Variants in PAQR5 observed in about 807,000 individuals in gnomAD.
The protein encoded by PAQR5 is membrane progestin receptor gamma.
Under a neutral mutation model 34.5 loss-of-function variants are expected in PAQR5, and 20 were observed. The ratio of observed to expected loss-of-function variants is 0.58; its 90% CI spans 0.41 to 0.84. PAQR5 has a LOEUF of 0.84. Ranked by LOEUF, PAQR5 falls within the 40% of genes least tolerant of loss-of-function variation. PAQR5 has a pLI of 0.00. For missense variants in PAQR5, 378 were observed against 412.7 expected, an observed-to-expected ratio of 0.92 and a Z score of 0.73; for synonymous variants, 131 against 155.6, an observed-to-expected ratio of 0.84 and a Z score of 1.18.
intron 1 of PAQR5, among the ~76,000 whole-genome samples, chr15:69,322,653 T>A (rs1418770471): frequency 1.5e-4 from 5 of 33,290 alleles, no homozygotes; most frequent in Admixed American, 4.1e-4. Flanking sequence ...AGACCCTGTC[T>A]CAAAAAAAAA....
chr15:69,344,424 G>C (rs1478937406), intron 2 of PAQR5, among the ~76,000 whole-genome samples: 1 of 152,088 alleles, frequency 6.6e-6, no homozygotes, highest in Non-Finnish European at 1.5e-5. Context: ...AAGCCCCCTG[G>C]TGTTGATTAA....
intron 1 of PAQR5, among the ~76,000 whole-genome samples, chr15:69,326,920 T>C (rs547465340): frequency 6.7e-6 from 1 of 149,816 alleles, no homozygotes; most frequent in Non-Finnish European, 1.5e-5. Context: ...TTAGGCCTCA[T>C]GCTTTATGTT....
chr15:69,382,558 T>C (rs2055916291), intron 4 of PAQR5, among the ~76,000 whole-genome samples: 1 of 147,580 alleles, frequency 6.8e-6, no homozygotes. Context: ...GACAGGAGAA[T>C]CACTTGAACC....
intron 3 of PAQR5, among the ~76,000 whole-genome samples, chr15:69,361,103 G>T (rs2055219826): frequency 6.6e-6 from 1 of 152,174 alleles, no homozygotes; most frequent in Non-Finnish European, 1.5e-5. Flanking sequence ...TACACGTGTG[G>T]CTGTCTCCCA....
chr15:69,304,472 A>T (rs996610317), intron 1 of PAQR5, among the ~76,000 whole-genome samples: 4 of 152,206 alleles, frequency 2.6e-5, no homozygotes, highest in African/African-American at 9.7e-5. Context: ...GTTTGAAATT[A>T]TGCAGGATGG....
intron 1 of PAQR5, among the ~76,000 whole-genome samples, chr15:69,311,505 C>T (rs559531950): frequency 1.3e-5 from 2 of 152,260 alleles, no homozygotes; most frequent in South Asian, 2.1e-4. Flanking sequence ...TTCCATCTCC[C>T]CTGCAACTTA....
intron 1 of PAQR5, among the ~76,000 whole-genome samples, chr15:69,309,291 G>A (rs2140533841): frequency 6.6e-6 from 1 of 152,328 alleles, no homozygotes; most frequent in East Asian, 1.9e-4. Flanking sequence ...GGAGAATGGT[G>A]CTGTGGAGGC....
At chr15:69,312,376 A>G (rs2053851770) in intron 1 of PAQR5, among the ~76,000 whole-genome samples, 1 of 152,032 alleles carries the variant, frequency 6.6e-6, no homozygotes. Context: ...GTGTGTTCCA[A>G]CCTTGCATTA....
intron 1 of PAQR5, among the ~76,000 whole-genome samples, chr15:69,335,755 CTG>C (rs1193698731): frequency 6.6e-6 from 1 of 151,886 alleles, no homozygotes; most frequent in African/African-American, 2.4e-5. Context: ...GAATCTGGGT[CTG>C]TGTGTCCGAA....
chr15:69,398,121 C>T (rs1428777744), intron 7 of PAQR5, among the ~76,000 whole-genome samples: 1 of 152,142 alleles, frequency 6.6e-6, no homozygotes, highest in African/African-American at 2.4e-5. Context: ...GGGAGGATTA[C>T]ACGGGGAACA....
At chr15:69,341,871 G>C (rs1332573152) in intron 2 of PAQR5, among the ~76,000 whole-genome samples, 3 of 149,256 alleles carry the variant, frequency 2.0e-5, no homozygotes, top group Non-Finnish European at 4.4e-5. Flanking sequence ...TTAATCCCAG[G>C]AGGTCAAGTC....
At chr15:69,367,999 C>G (rs73440989) in intron 3 of PAQR5, among the ~76,000 whole-genome samples, 1 of 151,872 alleles carries the variant, frequency 6.6e-6, no homozygotes, top group Non-Finnish European at 1.5e-5. Flanking sequence ...TGGCTCAGTT[C>G]GGAAGAGTCC....
intron 1 of PAQR5, among the ~76,000 whole-genome samples, chr15:69,321,544 A>T (rs930800093): frequency 2.6e-5 from 4 of 152,376 alleles, no homozygotes; most frequent in African/African-American, 9.6e-5. Flanking sequence ...CCTCATTATC[A>T]TAAAAGAGCA....
At chr15:69,361,709 C>G (rs935063093) in intron 3 of PAQR5, among the ~76,000 whole-genome samples, 1 of 152,138 alleles carries the variant, frequency 6.6e-6, no homozygotes, top group African/African-American at 2.4e-5. Flanking sequence ...GACAACACCC[C>G]CATGATCCAA....
rs183035777 is a variant in PAQR5 at position 69,346,393 on chromosome 15, C to T, written c.-116+8892C>T. On this transcript the variant is annotated intron_variant, in intron 2 of 8. Coordinates refer to ENST00000395407, the MANE Select transcript of PAQR5 (RefSeq NM_017705.4). ...CAATAATAGCTCACTGCAGCCTCCA[C>T]CTCCTGGGCCCGAGCCATTCTCCCG... 9.3e-3 allele frequency among the ~76,000 whole-genome samples: 1,394 copies of T among 149,792 alleles called. 12 individuals carry two copies. Among genetic ancestry groups the T allele is most frequent in the Non-Finnish European group, 0.012 (789 of 67,694 alleles).
intron 6 of PAQR5, among the ~76,000 whole-genome samples, chr15:69,393,544 G>A (rs1045912728): frequency 1.4e-5 from 2 of 147,324 alleles, no homozygotes; most frequent in African/African-American, 2.5e-5. Context: ...GTGCAATGTC[G>A]ATGCCTTAGT....
At chr15:69,333,487 T>C (rs1339572899) in intron 1 of PAQR5, among the ~76,000 whole-genome samples, 37 of 152,190 alleles carry the variant, frequency 2.4e-4, no homozygotes, top group Admixed American at 6.6e-5. Flanking sequence ...CAGAGACGCA[T>C]GCTCTCGGCC....
chr15:69,379,620 G>A (rs1233070114), intron 3 of PAQR5: 12 of 980,536 alleles, frequency 1.2e-5, no homozygotes, highest in Admixed American at 1.2e-4. Flanking sequence ...TAAGTACGCC[G>A]GGGAATGCAA....
chr15:69,382,044 T>A (rs931752060), intron 4 of PAQR5, among the ~76,000 whole-genome samples: 1 of 152,170 alleles, frequency 6.6e-6, no homozygotes, highest in Non-Finnish European at 1.5e-5. Context: ...AGATCTAGGC[T>A]CTGCTAAGAG....
Sources: gnomAD v4.1 joint callset for allele counts (sites outside exome capture counted in the v4.1 genomes callset) on GRCh38, gnomAD v4.1.1 for gene constraint, MANE v1.5 for transcripts, NCBI Gene and HGNC (gene_info 2026-07-23, HGNC 2026-07-21) for gene names.